Variants in WDR27 observed in about 807,000 individuals in gnomAD.
WDR27 encodes WD repeat-containing protein 27.
In WDR27, 100 loss-of-function variants were observed where a neutral mutation model predicts 114.4. The ratio of observed to expected loss-of-function variants is 0.87; its 90% CI spans 0.74 to 1.03. The LOEUF (loss-of-function observed/expected upper bound fraction) is 1.03, where lower values mean the gene tolerates loss of function less well. WDR27 is among the 50% of genes least tolerant of loss of function. The pLI, the probability that WDR27 is intolerant of heterozygous loss-of-function variation, is 0.00. For missense variants in WDR27, 1,129 were observed against 1,092.9 expected (o/e 1.03, Z -0.47); for synonymous variants, 449 against 423.1 (o/e 1.06, Z -0.75).
At chr6:169,697,684 TTCTCTC>T (rs916395143) in intron 1 of WDR27, among the ~76,000 whole-genome samples, 1 of 152,196 alleles carries the variant, frequency 6.6e-6, no homozygotes, top group Non-Finnish European at 1.5e-5. Context: ...TGTAAGTTGT[TTCTCTC>T]TGTCTCCTCT....
chr6:169,561,392 G>C (rs1369045566), intron 25 of WDR27, among the ~76,000 whole-genome samples: 2 of 152,096 alleles, frequency 1.3e-5, no homozygotes, highest in African/African-American at 2.4e-5. Flanking sequence ...CAAACATTTA[G>C]ATCATAACAT....
chr6:169,496,091 A>G (rs570173370), intron 25 of WDR27, among the ~76,000 whole-genome samples: 13 of 152,216 alleles, frequency 8.5e-5, no homozygotes, highest in Non-Finnish European at 1.3e-4. Flanking sequence ...ATTTACTCCT[A>G]AAATGCAAGG....
chr6:169,465,415 G>C (rs1455707218), intron 25 of WDR27, among the ~76,000 whole-genome samples: 1 of 152,142 alleles, frequency 6.6e-6, no homozygotes, highest in South Asian at 2.1e-4. Context: ...TGAGGCTGTG[G>C]AGAAAGTTAA....
the WDR27 span, among the ~76,000 whole-genome samples, chr6:169,450,901 T>G: frequency 6.6e-6 from 1 of 152,270 alleles, no homozygotes; most frequent in Admixed American, 6.5e-5. Context: ...CCGCCTGCTG[T>G]GAATGAAGCT....
At chr6:169,579,189 G>A (rs936193964) in intron 24 of WDR27, among the ~76,000 whole-genome samples, 10 of 152,136 alleles carry the variant, frequency 6.6e-5, no homozygotes, top group African/African-American at 1.4e-4. Context: ...GACCAGCTTT[G>A]CATTTTATCA....
chr6:169,665,306 G>A, intron 7 of WDR27, 180 bp downstream of exon 7: 1 of 1,387,184 alleles, frequency 7.2e-7, no homozygotes, highest in Non-Finnish European at 9.3e-7. Flanking sequence ...GGGGGCCCAG[G>A]ACCATATTGA....
intron 25 of WDR27, among the ~76,000 whole-genome samples, chr6:169,543,544 ATAACT>A (rs1466472733): frequency 1.3e-5 from 2 of 152,186 alleles, no homozygotes; most frequent in Non-Finnish European, 2.9e-5. Flanking sequence ...ACCTTTTAAC[ATAACT>A]TATTTTATAA....
intron 25 of WDR27, among the ~76,000 whole-genome samples, chr6:169,501,196 C>A (rs1791177626): frequency 6.6e-6 from 1 of 152,334 alleles, no homozygotes; most frequent in East Asian, 1.9e-4. Context: ...GCAAGTTTCC[C>A]AAGTGGGCTG....
intron 21 of WDR27, among the ~76,000 whole-genome samples, chr6:169,625,269 T>C (rs184294612): frequency 6.6e-6 from 1 of 152,308 alleles, no homozygotes; most frequent in African/African-American, 2.4e-5. Context: ...GACTGTATGC[T>C]AGTAACGGAT....
rs1013149392 is a variant in WDR27 at position 169,536,427 on chromosome 6, A to G, written c.2645+35992T>C. 7.2e-5 allele frequency among the ~76,000 whole-genome samples: 11 copies of G among 152,198 alleles called. 1 individual carries two copies. On this transcript the variant is annotated intron_variant, in intron 25 of 25. Coordinates refer to ENST00000448612, the MANE Select transcript of WDR27 (RefSeq NM_182552.5). ...AGGTCCATTATTTTTATGAACCTCAATTCTAACAAATGCTGTAATAATCCT... is the reference window on the plus strand; with the variant it reads ...AGGTCCATTATTTTTATGAACCTCAGTTCTAACAAATGCTGTAATAATCCT...
chr6:169,528,011 C>T (rs1795145653), intron 25 of WDR27, among the ~76,000 whole-genome samples: 1 of 152,028 alleles, frequency 6.6e-6, no homozygotes, highest in Non-Finnish European at 1.5e-5. Context: ...AACTGGGTAC[C>T]TCACTAATCT....
chr6:169,495,997 C>G lies in WDR27; in HGVS notation c.2646-38363G>C, dbSNP rs940100801. Among the ~76,000 whole-genome samples, 91 of 152,004 alleles carry G rather than the reference C, an allele frequency of 6.0e-4. 9 individuals are homozygous for G. Among genetic ancestry groups the G allele is most frequent in the Non-Finnish European group, 1.5e-5 (1 of 67,932 alleles). Reference sequence around the variant, plus strand: ...ACTACAGACCAATATCCCTTATGAACATTAATGCAAAAATTCTCAACAAAA... The same window carrying G: ...ACTACAGACCAATATCCCTTATGAAGATTAATGCAAAAATTCTCAACAAAA... On this transcript the variant is annotated intron_variant, in intron 25 of 25. Coordinates refer to ENST00000448612, the MANE Select transcript of WDR27 (RefSeq NM_182552.5).
chr6:169,640,699 G>A (rs1426447153), intron 17 of WDR27, among the ~76,000 whole-genome samples: 3 of 152,244 alleles, frequency 2.0e-5, no homozygotes, highest in Non-Finnish European at 4.4e-5. Flanking sequence ...TGGGCCATAA[G>A]GGCGTCCTCC....
chr6:169,665,668 C>G (rs925338495), intron 6 of WDR27, 112 bp from the exon 7 acceptor site: 12 of 1,024,294 alleles, frequency 1.2e-5, no homozygotes, highest in Non-Finnish European at 1.5e-5. Flanking sequence ...TACAGTATTT[C>G]TGTTAGTCAA....
intron 17 of WDR27, 67 bp from the exon 18 acceptor site, chr6:169,638,727 T>C: frequency 1.3e-6 from 2 of 1,525,962 alleles, no homozygotes; most frequent in Non-Finnish European, 1.8e-6. Flanking sequence ...GAGTGCTACT[T>C]ATCTGGTACT....
intron 13 of WDR27, 98 bp from the exon 14 acceptor site, chr6:169,652,106 A>G (rs1475735604): frequency 1.9e-6 from 2 of 1,039,476 alleles, no homozygotes; most frequent in African/African-American, 3.2e-5. Context: ...AGAAACATTC[A>G]CACAAACAGA....
chr6:169,698,123 G>C (rs1585246113), intron 1 of WDR27, among the ~76,000 whole-genome samples: 2 of 152,170 alleles, frequency 1.3e-5, no homozygotes, highest in African/African-American at 4.8e-5. Context: ...AAGCCACCTT[G>C]ACGAGGAAGC....
chr6:169,541,827 AATG>A (rs1192833877), intron 25 of WDR27, among the ~76,000 whole-genome samples: 1 of 152,210 alleles, frequency 6.6e-6, no homozygotes, highest in Non-Finnish European at 1.5e-5. Context: ...TGTAATAAAT[AATG>A]ATGATAAATC....
chr6:169,608,003 G>A (rs902954316), intron 22 of WDR27, among the ~76,000 whole-genome samples: 1 of 152,160 alleles, frequency 6.6e-6, no homozygotes, highest in Non-Finnish European at 1.5e-5. Flanking sequence ...GCTGTGTGGT[G>A]TAGCCTATTG....
Sources: gnomAD v4.1 joint callset for allele counts (sites outside exome capture counted in the v4.1 genomes callset) on GRCh38, gnomAD v4.1.1 for gene constraint, MANE v1.5 for transcripts, NCBI Gene and HGNC (gene_info 2026-07-23, HGNC 2026-07-21) for gene names.